Variants in ABI3BP observed in about 807,000 individuals in gnomAD.
The protein encoded by ABI3BP is target of Nesh-SH3.
In ABI3BP, 216 loss-of-function variants were observed where a neutral mutation model predicts 268.6. The observed-to-expected ratio is 0.80, with a 90% confidence interval of 0.72 to 0.90. The LOEUF is 0.90. Among genes scored for constraint, ABI3BP ranks in the 40% least tolerant of loss-of-function variants. The pLI is 0.00. For synonymous variants in ABI3BP, 730 were observed against 730.0 expected, an observed-to-expected ratio of 1.00 and a Z score of 0.00; for missense variants, 2,090 against 2,182.4, an observed-to-expected ratio of 0.96 and a Z score of 0.84.
chr3:100,833,521 CAT>C (rs1465595392), intron 29 of ABI3BP, among the ~76,000 whole-genome samples: 23 of 152,252 alleles, frequency 1.5e-4, no homozygotes, highest in African/African-American at 5.5e-4. Context: ...AGCCCTAGTT[CAT>C]GATAGATGCA....
chr3:100,988,431 T>G (rs2092353826), intron 1 of ABI3BP, among the ~76,000 whole-genome samples: 1 of 152,164 alleles, frequency 6.6e-6, no homozygotes, highest in South Asian at 2.1e-4. Context: ...TCTCAGTACT[T>G]TAACACTCAC....
At chr3:100,805,327 G>T (rs1444964747) in intron 50 of ABI3BP, among the ~76,000 whole-genome samples, 1 of 152,060 alleles carries the variant, frequency 6.6e-6, no homozygotes, top group Non-Finnish European at 1.5e-5. Context: ...CAGCAGAGTG[G>T]TAAGTGGACA....
intron 2 of ABI3BP, among the ~76,000 whole-genome samples, chr3:100,922,343 G>A (rs192450826): frequency 1.3e-5 from 2 of 152,288 alleles, no homozygotes; most frequent in East Asian, 3.9e-4. Flanking sequence ...CCCAGAACCT[G>A]TGAAGATGTG....
intron 1 of ABI3BP, among the ~76,000 whole-genome samples, chr3:100,953,326 C>T (rs749687398): frequency 6.6e-6 from 1 of 152,124 alleles, no homozygotes. Flanking sequence ...AAAAACAGCA[C>T]GTGACTCCTT....
intron 1 of ABI3BP, among the ~76,000 whole-genome samples, chr3:100,940,492 A>G (rs966931855): frequency 7.9e-5 from 12 of 151,744 alleles, no homozygotes; most frequent in Non-Finnish European, 1.5e-5. Flanking sequence ...GTGACTATAT[A>G]CATTAGCCAC....
chr3:100,752,079 GGTTA>G (rs1462004228), intron 66 of ABI3BP, among the ~76,000 whole-genome samples: 1 of 152,180 alleles, frequency 6.6e-6, no homozygotes, highest in Non-Finnish European at 1.5e-5. Flanking sequence ...ACCTTTGTGT[GGTTA>G]GTTCCTTCTC....
rs2098025971 is a variant in ABI3BP at position 100,815,911 on chromosome 3, C to A, written c.3289+1G>T. 1 of 1,521,106 alleles carries A rather than the reference C, an allele frequency of 6.6e-7. No homozygotes were observed. The highest frequency in any genetic ancestry group is 1.2e-5 in the South Asian group (1 of 80,648). The allele number at this position is 1,521,106 out of a possible 1,614,324, so 94.2% of individuals were successfully genotyped here. On this transcript the variant is annotated splice_donor_variant, in intron 44 of 67. Transcript: ENST00000471714. LOFTEE classifies it high-confidence loss of function. ...TTAATGCAAGTCACAAAAATCATTACCAAATGTTGTTCCTGGAGCATCAGT... is the reference window on the plus strand; with the variant it reads ...TTAATGCAAGTCACAAAAATCATTAACAAATGTTGTTCCTGGAGCATCAGT...
intron 1 of ABI3BP, among the ~76,000 whole-genome samples, chr3:100,959,562 T>A (rs1339560289): frequency 6.9e-6 from 1 of 144,486 alleles, no homozygotes; most frequent in Non-Finnish European, 1.5e-5. Context: ...ATGTCCCCTA[T>A]CAATTGGCTA....
intron 1 of ABI3BP, among the ~76,000 whole-genome samples, chr3:100,991,410 G>A (rs1415327865): frequency 2.6e-5 from 4 of 152,174 alleles, no homozygotes; most frequent in Non-Finnish European, 2.9e-5. Context: ...TCAAATGAGT[G>A]TGAGAAACAA....
intron 2 of ABI3BP, among the ~76,000 whole-genome samples, chr3:100,908,011 G>A (rs2054300267): frequency 6.6e-6 from 1 of 151,812 alleles, no homozygotes; most frequent in Non-Finnish European, 1.5e-5. Context: ...AACTACTCGG[G>A]AGGCTGAGGC....
intron 20 of ABI3BP, chr3:100,844,420 A>G (rs2098744296): frequency 5.1e-6 from 5 of 985,422 alleles, no homozygotes; most frequent in Non-Finnish European, 6.0e-6. Flanking sequence ...ACAAGCCCAA[A>G]TCAATGTGGA....
intron 2 of ABI3BP, among the ~76,000 whole-genome samples, chr3:100,903,254 A>G (rs559703555): frequency 1.8e-4 from 28 of 152,352 alleles, no homozygotes; most frequent in African/African-American, 6.0e-4. Context: ...ATAAGTTGGT[A>G]TAATTTTCAT....
intron 9 of ABI3BP, among the ~76,000 whole-genome samples, chr3:100,872,945 A>T (rs1209273699): frequency 1.3e-5 from 2 of 152,208 alleles, no homozygotes; most frequent in African/African-American, 4.8e-5. Flanking sequence ...TATATTGGCA[A>T]ATATTTTCAC....
rs976633573 is a variant in ABI3BP, at chr3:100,990,947, T to C, written c.79+2359A>G. 3.9e-5 allele frequency among the ~76,000 whole-genome samples: 6 copies of C among 152,342 alleles called. No individual in the cohort carries two copies. In the South Asian group the frequency reaches 8.3e-4, roughly 21 times the overall value. On this transcript the variant is annotated intron_variant, in intron 1 of 67. Coordinates refer to ENST00000471714, the MANE Select transcript of ABI3BP (RefSeq NM_001375547.2). ...ATATTGGCCTGTGATCAATTTTTCA[T>C]TAGTCTGTGGGAAAATGAGAAAAAT... is the stretch of plus-strand genomic sequence containing the variant.
intron 1 of ABI3BP, among the ~76,000 whole-genome samples, chr3:100,982,826 T>G (rs1002315678): frequency 6.6e-6 from 1 of 152,116 alleles, no homozygotes; most frequent in African/African-American, 2.4e-5. Flanking sequence ...TACTCTAAAC[T>G]AACTGGCCAG....
intron 1 of ABI3BP, among the ~76,000 whole-genome samples, chr3:100,979,198 T>A (rs1255865773): frequency 6.6e-6 from 1 of 152,194 alleles, no homozygotes; most frequent in Admixed American, 6.5e-5. Context: ...ATTCTTTGCT[T>A]CTCCATATAC....
chr3:100,822,360 C>T (rs1000385515), intron 38 of ABI3BP, among the ~76,000 whole-genome samples: 22 of 152,144 alleles, frequency 1.4e-4, no homozygotes, highest in African/African-American at 5.3e-4. Context: ...TAATAAAATG[C>T]ACAGTGCCAG....
chr3:100,828,431 G>A lies in ABI3BP; in HGVS notation c.2564C>T (p.Pro855Leu). 6.5e-7 allele frequency: 1 copy of A among 1,534,994 alleles called. No homozygotes were observed. Among genetic ancestry groups the A allele is most frequent in the Non-Finnish European group, 8.7e-7 (1 of 1,146,216 alleles). ...TELVPATIFE[P>L]VSPIKEAPGT... ...TGGAGCCTCTTTTATAGGAGAAACT[G>A]GTTCAAAGATTGTAGCAGGAACTGG... Residue 855 changes from proline (P) to leucine (L), a missense_variant, in exon 34 of 68, where the codon CCA becomes CTA. Coordinates refer to ENST00000471714, the MANE Select transcript of ABI3BP (RefSeq NM_001375547.2).
chr3:100,871,611 G>C (rs1313903490), intron 9 of ABI3BP, among the ~76,000 whole-genome samples: 2 of 152,150 alleles, frequency 1.3e-5, no homozygotes, highest in Non-Finnish European at 2.9e-5. Flanking sequence ...CTGCACAAGA[G>C]CTCTCTTTTT....
Sources: allele counts gnomAD v4.1 joint callset (sites outside exome capture counted in the v4.1 genomes callset), GRCh38; gene constraint gnomAD v4.1.1; transcripts MANE v1.5; gene names NCBI Gene and HGNC (gene_info 2026-07-23, HGNC 2026-07-21).